Variants in RASGRP3 observed in about 807,000 individuals in gnomAD.
The protein encoded by RASGRP3 is RAS guanyl releasing protein 3.
Under a neutral mutation model 82.7 loss-of-function variants are expected in RASGRP3, and 54 were observed. The observed-to-expected ratio is 0.65, with a 90% CI of 0.52 to 0.82. RASGRP3 has a LOEUF of 0.82. RASGRP3 is among the 40% of genes least tolerant of loss of function. RASGRP3 has a pLI of 0.00. For synonymous variants in RASGRP3, 309 were observed against 300.5 expected (o/e 1.03, Z -0.29); for missense variants, 861 against 828.9 (o/e 1.04, Z -0.48).
chr2:33,498,120 G>C (rs1418630960), intron 1 of RASGRP3, among the ~76,000 whole-genome samples: 1 of 152,046 alleles, frequency 6.6e-6, no homozygotes, highest in Non-Finnish European at 1.5e-5. Flanking sequence ...AGGAATCATT[G>C]CATCCCTCAG....
At chr2:33,532,071 G>A (rs2151049352) in intron 10 of RASGRP3, 1 of 151,820 alleles carries the variant, frequency 6.6e-6, no homozygotes, top group East Asian at 1.9e-4. Flanking sequence ...AGACAGATGT[G>A]CTGCCCACTT....
chr2:33,557,537 G>A (rs943256082), intron 15 of RASGRP3, among the ~76,000 whole-genome samples: 4 of 151,980 alleles, frequency 2.6e-5, no homozygotes, highest in African/African-American at 4.8e-5. Flanking sequence ...GTGAAACCCC[G>A]TCTCTACTAA....
At chr2:33,505,391 C>T (rs2150988335) in intron 1 of RASGRP3, among the ~76,000 whole-genome samples, 1 of 152,030 alleles carries the variant, frequency 6.6e-6, no homozygotes, top group Non-Finnish European at 1.5e-5. Flanking sequence ...CAACCTCTGC[C>T]TCCCGGGCTC....
At position 33,515,114 on chromosome 2, in the gene RASGRP3, T is replaced by G. The variant is rs558780048; in HGVS notation, c.-23T>G. On this transcript the variant is annotated 5_prime_UTR_variant, in exon 3 of 18. Transcript: ENST00000403687. ...ATCTGATGCTGAAAATGTCTCTAGTTTTTTGACAACGGCTAAATAACCATG... is the reference window on the plus strand; with the variant it reads ...ATCTGATGCTGAAAATGTCTCTAGTGTTTTGACAACGGCTAAATAACCATG... The G allele has an allele frequency of 6.2e-7, 1 of 1,612,902 alleles. No individual in the cohort carries two copies. The highest frequency in any genetic ancestry group is 1.1e-5 in the South Asian group (1 of 91,056).
chr2:33,542,664 CCCA>C lies in RASGRP3; in HGVS notation c.1279-844_1279-842del, dbSNP rs989667813. On this transcript the variant is annotated intron_variant, in intron 12 of 17. Transcript: ENST00000403687. ...CTTAATCCACCTCCTCTTTCCCCCC[CCCA>C]CCAATATCACTCTATTTTATTTATT... Among the ~76,000 whole-genome samples, 4 of 146,382 alleles carry C rather than the reference CCCA, an allele frequency of 2.7e-5. 1 individual carries two copies. Among genetic ancestry groups the C allele is most frequent in the Non-Finnish European group, 6.1e-5 (4 of 65,452 alleles).
chr2:33,547,232 A>G (rs1237951328), intron 13 of RASGRP3, among the ~76,000 whole-genome samples: 2 of 151,902 alleles, frequency 1.3e-5, no homozygotes, highest in Non-Finnish European at 2.9e-5. Context: ...AAAGAAGGGA[A>G]TAAGAGACGC....
At chr2:33,543,735 GGT>G in intron 13 of RASGRP3, 108 bp downstream of exon 13, 1 of 748,422 alleles carries the variant, frequency 1.3e-6, no homozygotes, top group Non-Finnish European at 2.2e-6. Context: ...CTTCAACCCT[GGT>G]GCTTTGATGA....
intron 5 of RASGRP3, 81 bp downstream of exon 5, chr2:33,520,095 C>A: frequency 8.5e-7 from 1 of 1,181,904 alleles, no homozygotes; most frequent in Non-Finnish European, 1.2e-6. Context: ...AAGCTGCAGA[C>A]CTAGTTTGAC....
chr2:33,500,572 G>A (rs974883766), intron 1 of RASGRP3, among the ~76,000 whole-genome samples: 2 of 152,244 alleles, frequency 1.3e-5, no homozygotes, highest in African/African-American at 4.8e-5. Flanking sequence ...CAAGTTTCTG[G>A]CATGGAATAC....
chr2:33,478,439 A>C (rs1287697994), intron 1 of RASGRP3, among the ~76,000 whole-genome samples: 2 of 151,936 alleles, frequency 1.3e-5, no homozygotes, highest in Non-Finnish European at 2.9e-5. Flanking sequence ...ATAGTTTCAG[A>C]TTTTCCACAG....
At chr2:33,542,273 G>T (rs1574467482) in intron 12 of RASGRP3, among the ~76,000 whole-genome samples, 1 of 145,858 alleles carries the variant, frequency 6.9e-6, no homozygotes, top group Admixed American at 7.0e-5. Flanking sequence ...TACATACATG[G>T]GTTTGTTTCA....
At chr2:33,508,793 T>A (rs1670648957) in intron 1 of RASGRP3, among the ~76,000 whole-genome samples, 1 of 152,214 alleles carries the variant, frequency 6.6e-6, no homozygotes, top group Non-Finnish European at 1.5e-5. Flanking sequence ...TTATTGTTGT[T>A]GTTTTTGAGA....
chr2:33,524,707 C>T (rs1344314266), intron 9 of RASGRP3, among the ~76,000 whole-genome samples, 159 bp downstream of exon 9: 3 of 152,154 alleles, frequency 2.0e-5, no homozygotes, highest in Admixed American at 1.3e-4. Flanking sequence ...AATAACCACA[C>T]CAGCTGAGTC....
intron 10 of RASGRP3, chr2:33,533,367 C>T (rs1673283999): frequency 6.6e-6 from 1 of 152,158 alleles, no homozygotes; most frequent in African/African-American, 2.4e-5. Context: ...TCCATGAATC[C>T]ATCCTGATCA....
chr2:33,465,911 C>T (rs1346294441), intron 2 of RASGRP3, among the ~76,000 whole-genome samples: 1 of 149,040 alleles, frequency 6.7e-6, no homozygotes, highest in South Asian at 2.1e-4. Context: ...GATAACAGCA[C>T]ATTTGTTTAT....
Position 33,437,578 on chromosome 2 carries a change from T to G in RASGRP3, c.-385+987T>G, listed in dbSNP as rs187167681. Among the ~76,000 whole-genome samples, 390 of 152,296 alleles carry G rather than the reference T, an allele frequency of 2.6e-3. 3 individuals carry two copies. The highest frequency in any genetic ancestry group is 9.2e-3 in the African/African-American group (381 of 41,568). On this transcript the variant is annotated intron_variant, in intron 1 of 18. Transcript: ENST00000402538. ...CTTTTGCCCTATCCCTGTTTGAGATTGGGATGTTTAGAATCTGTCCCAAGA... is the reference window on the plus strand; with the variant it reads ...CTTTTGCCCTATCCCTGTTTGAGATGGGGATGTTTAGAATCTGTCCCAAGA...
At chr2:33,455,888 C>G (rs1288634133) in intron 2 of RASGRP3, among the ~76,000 whole-genome samples, 1 of 152,144 alleles carries the variant, frequency 6.6e-6, no homozygotes, top group East Asian at 1.9e-4. Flanking sequence ...TTTGCCCCAC[C>G]CTGCCCCGAG....
chr2:33,496,603 C>T (rs1669336666), intron 1 of RASGRP3, among the ~76,000 whole-genome samples: 3 of 152,152 alleles, frequency 2.0e-5, no homozygotes, highest in Non-Finnish European at 4.4e-5. Flanking sequence ...CACCTGTAAT[C>T]CCAGCACTTT....
chr2:33,447,325 TCTG>T (rs1268349777), intron 1 of RASGRP3, among the ~76,000 whole-genome samples: 1 of 152,154 alleles, frequency 6.6e-6, no homozygotes, highest in Non-Finnish European at 1.5e-5. Context: ...TCTTATTTCT[TCTG>T]CTGGGAACTA....
Sources: gnomAD v4.1 joint callset for allele counts (sites outside exome capture counted in the v4.1 genomes callset) on GRCh38, gnomAD v4.1.1 for gene constraint, MANE v1.5 for transcripts, NCBI Gene and HGNC (gene_info 2026-07-23, HGNC 2026-07-21) for gene names.